Variants in FBXO46 observed in about 807,000 individuals in gnomAD.
The protein encoded by FBXO46 is F-box protein 46, also known as F-box only protein 46.
FBXO46 carries 13 observed loss-of-function variants against 30.7 expected under a neutral mutation model. That is an observed-to-expected ratio of 0.42 (90% CI 0.28 to 0.67). The LOEUF is 0.67. FBXO46 is among the 30% of genes least tolerant of loss of function. The pLI is 0.21. For missense variants in FBXO46, 754 were observed against 871.5 expected, an observed-to-expected ratio of 0.87 and a Z score of 1.70; for synonymous variants, 467 against 385.8, an observed-to-expected ratio of 1.21 and a Z score of -2.47.
chr19:45,726,583 C>T (rs750242619), intron 1 of FBXO46, among the ~76,000 whole-genome samples: 3 of 151,296 alleles, frequency 2.0e-5, no homozygotes, highest in Non-Finnish European at 4.4e-5. Context: ...AAGAGGCGGA[C>T]GTTGCAGTGA....
chr19:45,727,898 A>G (rs1357592383), intron 1 of FBXO46, among the ~76,000 whole-genome samples: 1 of 152,146 alleles, frequency 6.6e-6, no homozygotes, highest in Admixed American at 6.6e-5. Flanking sequence ...CAGACTGGGT[A>G]TTTGGCGGGG....
chr19:45,713,163 CCCA>C lies in FBXO46; in HGVS notation c.330_332del (p.Gly112del). The C allele has an allele frequency of 6.2e-7, 1 of 1,613,756 alleles. No individual in the cohort carries two copies. Among genetic ancestry groups the C allele is most frequent in the Non-Finnish European group, 8.5e-7 (1 of 1,179,838 alleles). ...CCTTCATGGAGCTGGCCCGGCTGCC[CCCA>C]CCACACTGGTGGGCCACAAAGAAGG... On this transcript the variant is annotated inframe_deletion, in exon 2 of 2. Transcript: ENST00000317683. This position sits in a 1 kb window ranked among gnomAD's most constrained non-coding sequence, Gnocchi z 4.7.
upstream of FBXO46, among the ~76,000 whole-genome samples, chr19:45,732,009 C>T (rs1465091303): frequency 1.3e-5 from 2 of 151,034 alleles, no homozygotes; most frequent in Non-Finnish European, 2.9e-5. Flanking sequence ...CCCAGCTACT[C>T]GGGAGGCTAA....
intron 1 of FBXO46, among the ~76,000 whole-genome samples, chr19:45,720,098 G>C (rs1265284770): frequency 6.6e-6 from 1 of 151,926 alleles, no homozygotes; most frequent in Admixed American, 6.6e-5. Flanking sequence ...CTGGGCTCAA[G>C]TGATCCTCCC....
In FBXO46 at chr19:45,722,684, C is replaced by A. The variant is rs931323009; in HGVS notation, c.-79+8165G>T. Among the ~76,000 whole-genome samples, 23 of 151,982 alleles carry A rather than the reference C, an allele frequency of 1.5e-4. 1 individual carries two copies. Among genetic ancestry groups the A allele is most frequent in the African/African-American group, 5.6e-4 (23 of 41,366 alleles). Reference sequence around the variant, plus strand: ...GGCTGAGGCAGGAGAATGGCGTGAACCCGGGAGGCGGAGCTTGCAGTGAGC... The same window carrying A: ...GGCTGAGGCAGGAGAATGGCGTGAAACCGGGAGGCGGAGCTTGCAGTGAGC... On this transcript the variant is annotated intron_variant, in intron 1 of 1. Transcript: ENST00000317683.
Position 45,713,363 on chromosome 19 carries a change from C to T in FBXO46, c.133G>A (p.Glu45Lys), listed in dbSNP as rs781072997. 41 of 1,611,994 alleles carry T rather than the reference C, an allele frequency of 2.5e-5. No homozygotes were observed. Among genetic ancestry groups the T allele is most frequent in the African/African-American group, 2.5e-4 (19 of 74,908 alleles). Residue 45 changes from glutamate to lysine, a missense_variant, in exon 2 of 2, where the codon GAG becomes AAG. Glu to Lys is a moderately conservative substitution (Grantham distance 56). Coordinates refer to ENST00000317683, the MANE Select transcript of FBXO46 (RefSeq NM_001080469.2). This position sits in a 1 kb window ranked among gnomAD's most constrained non-coding sequence, Gnocchi z 4.7. ...GAGTGGGCAGGCCCATGGTCTGGCTCGGCCCCGCCACCAGGCTCAGGGCAG... is the reference window on the plus strand; with the variant it reads ...GAGTGGGCAGGCCCATGGTCTGGCTTGGCCCCGCCACCAGGCTCAGGGCAG... ...SACPEPGGGA[E>K]PDHGPAHSEN...
chr19:45,718,667 C>T (rs1323289764), intron 1 of FBXO46, among the ~76,000 whole-genome samples: 4 of 151,990 alleles, frequency 2.6e-5, no homozygotes, highest in Non-Finnish European at 5.9e-5. Context: ...AAATCACCCA[C>T]CTGCCCAGAG....
In FBXO46 at chr19:45,713,738, T is replaced by C. The variant is rs1312373464; in HGVS notation, c.-78-165A>G. On this transcript the variant is annotated intron_variant, in intron 1 of 1. Transcript: ENST00000317683. The surrounding 1 kb of genome is among the most constrained non-coding windows in gnomAD (Gnocchi z 4.7). ...ATCCCAGCACTTTGGGAGGCTGAGG[T>C]GGGCAGATCACCTGAGGTCAGGAGT... Among the ~76,000 whole-genome samples the C allele has an allele frequency of 6.6e-6, 1 of 151,788 alleles. No individual in the cohort carries two copies.
rs1968098713 is a variant in FBXO46 at position 45,716,938 on chromosome 19, C to CTGGT, written c.-78-3369_-78-3366dup. 2.0e-5 allele frequency: 3 copies of CTGGT among 152,290 alleles called. No homozygotes were observed. The South Asian group carries it at 6.2e-4, about 32-fold the overall frequency. 9.4% of individuals were successfully genotyped at this position (152,290 alleles called of 1,614,324 possible). A position where few individuals can be genotyped will look rare whatever the true frequency, so the allele number is the denominator to read the frequency against. ...GAGCCCAGACATTCCACCTCCAGGA[C>CTGGT]TGGTACTCTCGGGCTCTTTGCTTCT... On this transcript the variant is annotated intron_variant, in intron 1 of 1. Transcript: ENST00000317683.
At position 45,711,227 on chromosome 19, in the gene FBXO46, A is replaced by T. The variant is rs1967953459; in HGVS notation, c.*457T>A. On this transcript the variant is annotated 3_prime_UTR_variant, in exon 2 of 2. Transcript: ENST00000317683. ...GGTGAGAGCTGTCGTGTGGCAGGTTAGGAGAGGTGCCAACCTTGGGCGATG... is the reference window on the plus strand; with the variant it reads ...GGTGAGAGCTGTCGTGTGGCAGGTTTGGAGAGGTGCCAACCTTGGGCGATG... 1 of 426,872 alleles carries T rather than the reference A, an allele frequency of 2.3e-6. No individual in the cohort carries two copies. The highest frequency in any genetic ancestry group is 4.6e-6 in the Non-Finnish European group (1 of 219,252). 26.4% of individuals were successfully genotyped at this position (426,872 alleles called of 1,614,324 possible). A position where few individuals can be genotyped will look rare whatever the true frequency, so the allele number is the denominator to read the frequency against.
rs759171517 is a variant in FBXO46 at position 45,711,632 on chromosome 19, G to A, written c.*52C>T. The A allele has an allele frequency of 2.6e-5, 36 of 1,390,758 alleles. No individual in the cohort carries two copies. In the South Asian group the frequency reaches 3.7e-4, roughly 14 times the overall value. The allele number at this position is 1,390,758 out of a possible 1,614,324, so 86.2% of individuals were successfully genotyped here. A position where few individuals can be genotyped will look rare whatever the true frequency, so the allele number is the denominator to read the frequency against. On this transcript the variant is annotated 3_prime_UTR_variant, in exon 2 of 2. Transcript: ENST00000317683. ...CCCAGTCCGGACCCTCGGCTCCCGG[G>A]GGGAGAGGGGAGGGGTGGGCGTGGT...
In FBXO46 at chr19:45,712,903, G is replaced by C. The variant is rs1968017397; in HGVS notation, c.593C>G (p.Pro198Arg). The C allele has an allele frequency of 6.2e-7, 1 of 1,612,674 alleles. No individual in the cohort carries two copies. The highest frequency in any genetic ancestry group is 8.5e-7 in the Non-Finnish European group (1 of 1,179,488). ...QSYPRPTTPA[P>R]VVFVSAEQGG... is the part of the protein sequence containing the mutation. ...TTGCTCGGCGGACACAAAGACTACA[G>C]GCGCTGGGGTGGTCGGTCGTGGGTA... The change falls in exon 2 of 2, where the codon CCT (proline) becomes CGT (arginine). Residue 198 changes from proline to arginine, a missense_variant. Coordinates refer to ENST00000317683, the MANE Select transcript of FBXO46 (RefSeq NM_001080469.2). This position sits in a 1 kb window ranked among gnomAD's most constrained non-coding sequence, Gnocchi z 8.8.
rs559016267 is a variant in FBXO46 at position 45,713,482 on chromosome 19, C to T, written c.14G>A (p.Ser5Asn). The change falls in exon 2 of 2, where the codon AGC becomes AAC. Residue 5 changes from serine to asparagine, a missense_variant. This residue lies in a region of FBXO46 where 97 missense variants were observed against 113.0 expected (regional missense o/e 0.86). Transcript: ENST00000317683. The surrounding 1 kb of genome is among the most constrained non-coding windows in gnomAD (Gnocchi z 4.7). MDRG[S>N]LLPFQLWCPR... is the part of the protein sequence containing the mutation. ...GCACCATAGCTGGAAGGGCAGGAGG[C>T]TCCCACGGTCCATGCTGGGGGATGA... The T allele has an allele frequency of 6.4e-7, 1 of 1,568,962 alleles. No individual in the cohort carries two copies. The highest frequency in any genetic ancestry group is 2.3e-5 in the East Asian group (1 of 44,274).
chr19:45,711,560 T>G lies in FBXO46; in HGVS notation c.*124A>C, dbSNP rs751692253. On this transcript the variant is annotated 3_prime_UTR_variant, in exon 2 of 2. Transcript: ENST00000317683. ...CACCCCTGCTGAACCCCAGCTCAGT[T>G]CCGGTGAGGGATCAATGCTGCCTGG... 13 of 799,862 alleles carry G rather than the reference T, an allele frequency of 1.6e-5. No individual in the cohort carries two copies. Among genetic ancestry groups the G allele is most frequent in the Non-Finnish European group, 2.3e-5 (11 of 474,966 alleles). The allele number at this position is 799,862 out of a possible 1,614,324, so 49.5% of individuals were successfully genotyped here.
chr19:45,719,242 G>C (rs938168478), intron 1 of FBXO46, among the ~76,000 whole-genome samples: 1 of 151,924 alleles, frequency 6.6e-6, no homozygotes, highest in South Asian at 2.1e-4. Flanking sequence ...GCACGAGACT[G>C]TCTTAAATTA....
rs1285523935 is a variant in FBXO46 at position 45,712,314 on chromosome 19, G to A, written c.1182C>T (p.Cys394=). Residue 394 remains cysteine (C), a synonymous_variant, in exon 2 of 2, where the codon TGC becomes TGT. Transcript: ENST00000317683. This position sits in a 1 kb window ranked among gnomAD's most constrained non-coding sequence, Gnocchi z 8.8. ...GTKNVKEETV[C]LTVSPEEPPP... is the part of the protein sequence containing the mutation. ...GCGGTTCCTCCGGGCTGACCGTCAG[G>A]CACACAGTCTCCTCCTTCACGTTCT... The A allele has an allele frequency of 6.2e-7, 1 of 1,601,726 alleles. No homozygotes were observed. Among genetic ancestry groups the A allele is most frequent in the Non-Finnish European group, 8.5e-7 (1 of 1,179,622 alleles).
intron 1 of FBXO46, among the ~76,000 whole-genome samples, chr19:45,726,645 A>G (rs1968244223): frequency 7.0e-6 from 1 of 142,558 alleles, no homozygotes; most frequent in South Asian, 2.2e-4. Flanking sequence ...GAGACTGTCT[A>G]AAAAAAAAAA....
rs180683310 is a variant in FBXO46, at chr19:45,718,881, G to A, written c.-78-5308C>T. On this transcript the variant is annotated intron_variant, in intron 1 of 1. Coordinates refer to ENST00000317683, the MANE Select transcript of FBXO46 (RefSeq NM_001080469.2). ...CCAAAAATATGGAAAATCAAAAGAC[G>A]GCAAAAAACTGGCTGGGAAAACACG... 4.4e-4 allele frequency among the ~76,000 whole-genome samples: 66 copies of A among 150,960 alleles called. 1 individual carries two copies. The highest frequency in any genetic ancestry group is 4.9e-4 in the Non-Finnish European group (33 of 67,876).
chr19:45,720,637 T>G (rs1005078236), intron 1 of FBXO46, among the ~76,000 whole-genome samples: 1 of 151,974 alleles, frequency 6.6e-6, no homozygotes, highest in African/African-American at 2.4e-5. Context: ...TTTACATTTT[T>G]TTGTACTGAT....
Sources: allele counts gnomAD v4.1 joint callset (sites outside exome capture counted in the v4.1 genomes callset), GRCh38; gene constraint gnomAD v4.1.1; regional missense constraint gnomAD v4.1.1; non-coding constraint Gnocchi (gnomAD v3.1); transcripts MANE v1.5; gene names NCBI Gene and HGNC (gene_info 2026-07-23, HGNC 2026-07-21).